The following ZBTB7C variants were observed in gnomAD, a reference collection of about 807,000 sequenced individuals.
The protein encoded by ZBTB7C is zinc finger and BTB domain-containing protein 7C.
ZBTB7C carries 8 observed loss-of-function variants against 25.7 expected under a neutral mutation model. The observed-to-expected ratio is 0.31, with a 90% CI of 0.18 to 0.56. The LOEUF (loss-of-function observed/expected upper bound fraction) is 0.56, where lower values mean the gene tolerates loss of function less well. Among genes scored for constraint, ZBTB7C ranks in the 20% least tolerant of loss-of-function variants. The pLI is 0.91. For missense variants in ZBTB7C, 824 were observed against 855.2 expected, an observed-to-expected ratio of 0.96 and a Z score of 0.46; for synonymous variants, 394 against 369.0, an observed-to-expected ratio of 1.07 and a Z score of -0.78.
chr18:48,189,656 G>C (rs992009416), intron 2 of ZBTB7C, among the ~76,000 whole-genome samples: 1 of 152,204 alleles, frequency 6.6e-6, no homozygotes, highest in African/African-American at 2.4e-5. Flanking sequence ...GCCTTGGATA[G>C]ATACGGCATA....
At chr18:48,195,417 G>GT (rs2042295514) in intron 2 of ZBTB7C, among the ~76,000 whole-genome samples, 1 of 152,136 alleles carries the variant, frequency 6.6e-6, no homozygotes, top group South Asian at 2.1e-4. Context: ...AGATCTGATG[G>GT]TTTTATAAAG....
chr18:48,155,419 C>CCGGGTTCACGCCATTCTCCTGCCT (rs2040811627), intron 3 of ZBTB7C, among the ~76,000 whole-genome samples: 2 of 148,310 alleles, frequency 1.3e-5, no homozygotes, highest in African/African-American at 4.9e-5. Context: ...GCTCCGCCCC[C>CCGGGTTCACGCCATTCTCCTGCCT]CGGGTTCACG....
At chr18:48,247,936 C>T (rs1007809658) in intron 2 of ZBTB7C, among the ~76,000 whole-genome samples, 2 of 152,174 alleles carry the variant, frequency 1.3e-5, no homozygotes, top group East Asian at 1.9e-4. Flanking sequence ...CATGTGTCAA[C>T]GGCGGGGCCA....
intron 3 of ZBTB7C, among the ~76,000 whole-genome samples, chr18:48,121,080 G>A (rs577953464): frequency 1.3e-5 from 2 of 152,310 alleles, no homozygotes; most frequent in Admixed American, 6.5e-5. Context: ...CTACTCCTGC[G>A]CTCCCTGCAG....
At chr18:48,076,830 G>T (rs1362691358) in intron 3 of ZBTB7C, 2 of 549,144 alleles carry the variant, frequency 3.6e-6, no homozygotes, top group Non-Finnish European at 4.6e-6. Flanking sequence ...GAACCCATGG[G>T]ATTGCAGGAG....
intron 2 of ZBTB7C, among the ~76,000 whole-genome samples, chr18:48,234,057 C>T (rs905866393): frequency 2.8e-4 from 43 of 152,204 alleles, no homozygotes; most frequent in African/African-American, 1.0e-3. Flanking sequence ...ACCCAATAGC[C>T]TCAGTGGAAT....
chr18:48,348,583 A>G (rs550268290), intron 1 of ZBTB7C, among the ~76,000 whole-genome samples: 1 of 152,278 alleles, frequency 6.6e-6, no homozygotes, highest in South Asian at 2.1e-4. Context: ...TTGGGAGGCC[A>G]AGGTGGGAGG....
chr18:48,119,881 T>C (rs1345510414), intron 3 of ZBTB7C, among the ~76,000 whole-genome samples: 1 of 152,174 alleles, frequency 6.6e-6, no homozygotes, highest in African/African-American at 2.4e-5. Context: ...GGTACTTCAA[T>C]AGCGGGGGTT....
chr18:48,205,160 G>A (rs1298148498), intron 2 of ZBTB7C, among the ~76,000 whole-genome samples: 1 of 152,002 alleles, frequency 6.6e-6, no homozygotes, highest in Admixed American at 6.5e-5. Flanking sequence ...CTGCAGAAGG[G>A]GTTAGAGGAC....
chr18:48,077,060 T>C (rs1028464945), intron 3 of ZBTB7C: 15 of 574,900 alleles, frequency 2.6e-5, no homozygotes, highest in Non-Finnish European at 3.0e-5. Flanking sequence ...TGTTGTTATA[T>C]GCAAAAAAAA....
At chr18:48,404,470 G>C (rs1170999271) in intron 1 of ZBTB7C, among the ~76,000 whole-genome samples, 1 of 152,180 alleles carries the variant, frequency 6.6e-6, no homozygotes, top group African/African-American at 2.4e-5. Flanking sequence ...CCCACGGTTG[G>C]TTACACAAGG....
At chr18:48,263,802 G>A (rs1281878204) in intron 2 of ZBTB7C, among the ~76,000 whole-genome samples, 1 of 151,812 alleles carries the variant, frequency 6.6e-6, no homozygotes, top group East Asian at 1.9e-4. Context: ...TAATAGATTA[G>A]TAATCAAAGA....
At chr18:48,111,677 G>A (rs1259767190) in intron 3 of ZBTB7C, among the ~76,000 whole-genome samples, 1 of 152,208 alleles carries the variant, frequency 6.6e-6, no homozygotes, top group Non-Finnish European at 1.5e-5. Context: ...TGCCAAGTCA[G>A]TGGCCTGGTA....
chr18:48,281,999 GAC>G (rs1179174652), intron 2 of ZBTB7C, among the ~76,000 whole-genome samples: 1 of 146,668 alleles, frequency 6.8e-6, no homozygotes, highest in African/African-American at 2.6e-5. Flanking sequence ...CTGCTATAAA[GAC>G]ACATGCACAC....
intron 2 of ZBTB7C, among the ~76,000 whole-genome samples, chr18:48,254,067 T>C (rs1041386766): frequency 1.3e-5 from 2 of 152,212 alleles, no homozygotes; most frequent in African/African-American, 2.4e-5. Flanking sequence ...GACTCTGATA[T>C]AGGAGTTAAG....
chr18:48,364,662 A>C (rs1208364518), intron 1 of ZBTB7C, among the ~76,000 whole-genome samples: 2 of 152,184 alleles, frequency 1.3e-5, no homozygotes, highest in Non-Finnish European at 2.9e-5. Context: ...AATGGTTCAA[A>C]TTCAGAAGAC....
intron 2 of ZBTB7C, among the ~76,000 whole-genome samples, chr18:48,337,249 T>A (rs1429276690): frequency 6.6e-6 from 1 of 152,186 alleles, no homozygotes; most frequent in East Asian, 1.9e-4. Context: ...CTGGCCCTTC[T>A]CCCCTTGCCT....
chr18:48,315,403 T>A (rs1287113733), intron 2 of ZBTB7C, among the ~76,000 whole-genome samples: 1 of 151,806 alleles, frequency 6.6e-6, no homozygotes, highest in Non-Finnish European at 1.5e-5. Context: ...CTCAATGGAG[T>A]GACGGTCCTC....
At chr18:48,332,469 G>A (rs1194556222) in intron 2 of ZBTB7C, among the ~76,000 whole-genome samples, 3 of 152,072 alleles carry the variant, frequency 2.0e-5, no homozygotes, top group African/African-American at 7.3e-5. Flanking sequence ...ATGGCGGGAG[G>A]CACATCTTTT....
Sources: allele counts gnomAD v4.1 joint callset (sites outside exome capture counted in the v4.1 genomes callset), GRCh38; gene constraint gnomAD v4.1.1; transcripts MANE v1.5; gene names NCBI Gene and HGNC (gene_info 2026-07-23, HGNC 2026-07-21).